Variants in XKR9 observed in about 807,000 individuals in gnomAD.
XKR9 encodes the protein XK-related protein 9.
A neutral mutation model predicts 32.0 loss-of-function variants in XKR9; 32 were observed. The observed-to-expected ratio is 1.00, with a 90% CI of 0.76 to 1.34. The LOEUF (loss-of-function observed/expected upper bound fraction) is 1.34. XKR9 is among the 40% of genes most tolerant of loss of function. The pLI, the probability that XKR9 is intolerant of heterozygous loss-of-function variation, is 0.00. For missense variants in XKR9, 546 were observed against 429.7 expected (o/e 1.27, Z -2.39); for synonymous variants, 168 against 143.4 (o/e 1.17, Z -1.22).
intron 4 of XKR9, among the ~76,000 whole-genome samples, chr8:70,729,721 T>TG (rs1806599314): frequency 6.6e-6 from 1 of 152,224 alleles, no homozygotes; most frequent in African/African-American, 2.4e-5. Flanking sequence ...TAATTATTAA[T>TG]GACATCATAT....
At chr8:70,953,195 G>C in the XKR9 span, among the ~76,000 whole-genome samples, 5 of 152,226 alleles carry the variant, frequency 3.3e-5, no homozygotes, top group African/African-American at 1.2e-4. Flanking sequence ...GGGTGTAGGA[G>C]AACAATGATT....
chr8:71,009,701 G>A, the XKR9 span, among the ~76,000 whole-genome samples: 1 of 152,156 alleles, frequency 6.6e-6, no homozygotes, highest in Non-Finnish European at 1.5e-5. Context: ...CACTCTCATG[G>A]TGACTCTGGC....
At chr8:71,002,488 T>C in the XKR9 span, among the ~76,000 whole-genome samples, 1 of 151,994 alleles carries the variant, frequency 6.6e-6, no homozygotes, top group South Asian at 2.1e-4. Flanking sequence ...GTTTATTGTA[T>C]CTTTAAGTAA....
At chr8:71,063,141 G>A in the XKR9 span, among the ~76,000 whole-genome samples, 1 of 152,066 alleles carries the variant, frequency 6.6e-6, no homozygotes, top group South Asian at 2.1e-4. Context: ...AGAGTTATTT[G>A]TCAAATAAAA....
At chr8:70,763,496 T>A (rs1807334644) in intron 2 of XKR9, among the ~76,000 whole-genome samples, 1 of 152,202 alleles carries the variant, frequency 6.6e-6, no homozygotes, top group Non-Finnish European at 1.5e-5. Context: ...TGAGAATTCA[T>A]GGTTGGCTGC....
the XKR9 span, among the ~76,000 whole-genome samples, chr8:70,983,099 C>T: frequency 2.0e-5 from 3 of 152,132 alleles, no homozygotes; most frequent in Non-Finnish European, 4.4e-5. Context: ...GTTTAGATTA[C>T]AGTGTATCAG....
chr8:70,705,353 T>G (rs920365103), intron 3 of XKR9, among the ~76,000 whole-genome samples: 1 of 152,098 alleles, frequency 6.6e-6, no homozygotes, highest in Admixed American at 6.6e-5. Context: ...ATGTGCTAGG[T>G]GGTGATAAGT....
chr8:70,922,049 A>T, the XKR9 span, among the ~76,000 whole-genome samples: 3 of 152,160 alleles, frequency 2.0e-5, no homozygotes, highest in African/African-American at 7.2e-5. Flanking sequence ...GTGGGTATAG[A>T]GAAACTATGG....
At chr8:70,822,682 G>T in the XKR9 span, among the ~76,000 whole-genome samples, 2 of 151,656 alleles carry the variant, frequency 1.3e-5, no homozygotes, top group Non-Finnish European at 2.9e-5. Context: ...AGTTCATTCT[G>T]TGTGACAAGT....
At chr8:70,740,143 A>G (rs1189426145), downstream of XKR9, among the ~76,000 whole-genome samples, 1 of 152,010 alleles carries the variant, frequency 6.6e-6, no homozygotes, top group African/African-American at 2.4e-5. Flanking sequence ...ATAGTCCCAT[A>G]TTTCTTGGAG....
At chr8:70,936,722 G>A in the XKR9 span, among the ~76,000 whole-genome samples, 2 of 152,086 alleles carry the variant, frequency 1.3e-5, no homozygotes, top group South Asian at 2.1e-4. Flanking sequence ...CTACCCGACT[G>A]AGGGACCAAA....
At chr8:70,902,301 G>A in the XKR9 span, among the ~76,000 whole-genome samples, 4 of 152,134 alleles carry the variant, frequency 2.6e-5, no homozygotes, top group African/African-American at 4.8e-5. Context: ...AATGTTCTTC[G>A]ATTTGTTTGT....
chr8:70,757,548 CATGTATGTATGTATGT>C lies in XKR9; in HGVS notation n.353-31767_353-31752del, dbSNP rs57117853. Among the ~76,000 whole-genome samples, 979 of 150,340 alleles carry C rather than the reference CATGTATGTATGTATGT, an allele frequency of 6.5e-3. 9 individuals are homozygous for C. Among genetic ancestry groups the C allele is most frequent in the Non-Finnish European group, 0.012 (778 of 67,616 alleles). On this transcript the variant is annotated intron_variant and non_coding_transcript_variant, in intron 2 of 3. Coordinates refer to the XKR9 transcript ENST00000520273. ...ATATATCTTTCTTTACTTCTTTCAT[CATGTATGTATGTATGT>C]ATGTATGTATGTATGTATGTATGCA...
chr8:70,770,426 C>T (rs557864475), intron 2 of XKR9, among the ~76,000 whole-genome samples: 3 of 152,258 alleles, frequency 2.0e-5, no homozygotes, highest in African/African-American at 7.2e-5. Context: ...CTGTCTGTAG[C>T]AGAGCTTGAG....
chr8:70,739,281 T>G (rs958765161), downstream of XKR9, among the ~76,000 whole-genome samples: 11 of 152,208 alleles, frequency 7.2e-5, no homozygotes, highest in East Asian at 1.2e-3. Flanking sequence ...TCAGAGACTA[T>G]GATTGCAATC....
intron 4 of XKR9, among the ~76,000 whole-genome samples, chr8:70,724,419 C>T (rs1223057658): frequency 3.3e-5 from 4 of 119,678 alleles, no homozygotes; most frequent in Non-Finnish European, 7.2e-5. Context: ...TTCCAAGTGC[C>T]ACTGGGGTAG....
At chr8:70,731,273 AAGAG>A (rs746028906) in intron 4 of XKR9, among the ~76,000 whole-genome samples, 6 of 152,066 alleles carry the variant, frequency 3.9e-5, no homozygotes, top group African/African-American at 1.2e-4. Flanking sequence ...CACACAGAGA[AAGAG>A]AGAGAGAGAA....
chr8:70,866,963 A>T, the XKR9 span, among the ~76,000 whole-genome samples: 1 of 152,210 alleles, frequency 6.6e-6, no homozygotes, highest in Non-Finnish European at 1.5e-5. Flanking sequence ...TGGAGGTTAA[A>T]TCAATTTTCC....
the XKR9 span, among the ~76,000 whole-genome samples, chr8:70,810,845 A>C: frequency 6.6e-6 from 1 of 152,208 alleles, no homozygotes; most frequent in Non-Finnish European, 1.5e-5. Context: ...ATAATGGGAG[A>C]CTTTAACACC....
Sources: gnomAD v4.1 joint callset for allele counts (sites outside exome capture counted in the v4.1 genomes callset) on GRCh38, gnomAD v4.1.1 for gene constraint, MANE v1.5 for transcripts, NCBI Gene and HGNC (gene_info 2026-07-23, HGNC 2026-07-21) for gene names.